CDH13: variants seen among roughly 807,000 people sequenced by gnomAD.
CDH13 encodes cadherin-13.
In CDH13, 24 loss-of-function variants were observed where a neutral mutation model predicts 63.8. That is an observed-to-expected ratio of 0.38 (90% confidence interval 0.27 to 0.53). The LOEUF (loss-of-function observed/expected upper bound fraction) is 0.53, where lower values mean the gene tolerates loss of function less well. Among genes scored for constraint, CDH13 ranks in the 20% least tolerant of loss-of-function variants. The pLI is 0.85. For synonymous variants in CDH13, 503 were observed against 355.3 expected (o/e 1.42, Z -4.67); for missense variants, 1,049 against 903.1 (o/e 1.16, Z -2.07).
chr16:83,381,207 A>C (rs2091560536), intron 6 of CDH13, among the ~76,000 whole-genome samples: 1 of 152,014 alleles, frequency 6.6e-6, no homozygotes, highest in African/African-American at 2.4e-5. Flanking sequence ...ACCTTTTTCT[A>C]ATTTCTAAAG....
intron 8 of CDH13, among the ~76,000 whole-genome samples, chr16:83,634,947 C>A (rs553183833): frequency 1.3e-5 from 2 of 152,154 alleles, no homozygotes; most frequent in East Asian, 3.8e-4. Flanking sequence ...TTCTGGGTAC[C>A]AGCTGCTGGA....
intron 1 of CDH13, among the ~76,000 whole-genome samples, chr16:82,770,263 T>G (rs1168309513): frequency 1.3e-5 from 2 of 152,232 alleles, no homozygotes; most frequent in African/African-American, 2.4e-5. Context: ...TGAGTGTGTG[T>G]TTTTGTGCAC....
chr16:82,872,960 A>G (rs1022965806), intron 2 of CDH13, among the ~76,000 whole-genome samples: 4 of 152,218 alleles, frequency 2.6e-5, no homozygotes, highest in African/African-American at 9.6e-5. Flanking sequence ...GGCAAACATG[A>G]TATAATAAAC....
intron 7 of CDH13, among the ~76,000 whole-genome samples, chr16:83,584,955 C>G (rs1906003850): frequency 6.6e-6 from 1 of 152,290 alleles, no homozygotes; most frequent in Admixed American, 6.5e-5. Context: ...AACTCACTCA[C>G]TACTGTGGGG....
At chr16:83,028,100 G>C (rs1424715610) in intron 2 of CDH13, among the ~76,000 whole-genome samples, 2 of 152,192 alleles carry the variant, frequency 1.3e-5, no homozygotes, top group Admixed American at 1.3e-4. Flanking sequence ...AGCTGAGACT[G>C]TCTTCTGTGA....
chr16:83,287,280 C>A (rs1407586179), intron 5 of CDH13, among the ~76,000 whole-genome samples: 1 of 152,156 alleles, frequency 6.6e-6, no homozygotes, highest in Non-Finnish European at 1.5e-5. Context: ...GCTTCAGGGA[C>A]CAAAACTTTC....
At chr16:83,748,772 G>GC (rs969533759) in intron 11 of CDH13, among the ~76,000 whole-genome samples, 13 of 152,208 alleles carry the variant, frequency 8.5e-5, no homozygotes, top group Non-Finnish European at 1.9e-4. Context: ...CCATATGCCA[G>GC]CCCCTGATTA....
At chr16:82,717,482 C>A (rs960616971) in intron 1 of CDH13, among the ~76,000 whole-genome samples, 2 of 148,054 alleles carry the variant, frequency 1.4e-5, no homozygotes, top group African/African-American at 5.1e-5. Flanking sequence ...CACACTTACT[C>A]TCTTACAATC....
chr16:82,947,702 T>G (rs1214070697), intron 2 of CDH13, among the ~76,000 whole-genome samples: 1 of 152,200 alleles, frequency 6.6e-6, no homozygotes, highest in Admixed American at 6.5e-5. Context: ...CTTGCAAGTT[T>G]GGGAGTAGGG....
intron 4 of CDH13, among the ~76,000 whole-genome samples, chr16:83,181,653 A>G (rs567559791): frequency 1.2e-4 from 19 of 152,174 alleles, no homozygotes; most frequent in East Asian, 9.7e-4. Context: ...AGAGGGGGAG[A>G]AGAGGGGATG....
intron 2 of CDH13, among the ~76,000 whole-genome samples, chr16:83,003,326 G>A (rs1019686959): frequency 6.6e-6 from 1 of 152,058 alleles, no homozygotes; most frequent in African/African-American, 2.4e-5. Flanking sequence ...GAATGTTTCA[G>A]TAGCTTTGTG....
At chr16:82,673,200 G>C (rs1913500860) in intron 1 of CDH13, among the ~76,000 whole-genome samples, 1 of 151,848 alleles carries the variant, frequency 6.6e-6, no homozygotes, top group Admixed American at 6.6e-5. Context: ...CCCCGGGTAG[G>C]AATTTGGTAG....
At chr16:83,393,732 C>G (rs2091831816) in intron 6 of CDH13, among the ~76,000 whole-genome samples, 1 of 152,180 alleles carries the variant, frequency 6.6e-6, no homozygotes, top group Non-Finnish European at 1.5e-5. Context: ...AGGAACCAGG[C>G]TCAGCCCACA....
At position 83,492,205 on chromosome 16, in the gene CDH13, T is replaced by C. The variant is rs1455624071; in HGVS notation, c.960+5550T>C. Among the ~76,000 whole-genome samples the C allele has an allele frequency of 3.9e-5, 3 of 76,660 alleles. No individual in the cohort carries two copies. The East Asian group carries it at 2.7e-3, about 68-fold the overall frequency. 50.3% of individuals were successfully genotyped at this position (76,660 alleles called of 152,430 possible). ...AAATCAAGCTGCCAGAAAAGAACAA[T>C]GGTAAAAAAGGATAGCATTTCCTCC... On this transcript the variant is annotated intron_variant, in intron 7 of 13. Transcript: ENST00000567109.
At chr16:83,312,066 C>CAAAA (rs5818437) in intron 5 of CDH13, among the ~76,000 whole-genome samples, 6 of 94,922 alleles carry the variant, frequency 6.3e-5, no homozygotes, top group African/African-American at 2.0e-4. Flanking sequence ...AACTCCATCT[C>CAAAA]AAAAAAAAAA....
chr16:82,937,928 A>G (rs754422823), intron 2 of CDH13, among the ~76,000 whole-genome samples: 1 of 152,222 alleles, frequency 6.6e-6, no homozygotes, highest in Non-Finnish European at 1.5e-5. Context: ...AAAGGACAGT[A>G]ATTGGATATA....
At chr16:82,967,768 C>G (rs770814845) in intron 2 of CDH13, among the ~76,000 whole-genome samples, 12 of 152,216 alleles carry the variant, frequency 7.9e-5, no homozygotes, top group Non-Finnish European at 1.6e-4. Context: ...CAGCATGTAG[C>G]AGGCTTTTGT....
At chr16:83,551,555 C>G (rs1480551508) in intron 7 of CDH13, among the ~76,000 whole-genome samples, 1 of 152,228 alleles carries the variant, frequency 6.6e-6, no homozygotes, top group African/African-American at 2.4e-5. Context: ...TCTTACGTTT[C>G]AAACACCCAT....
At chr16:82,641,328 G>A (rs561946185) in intron 1 of CDH13, among the ~76,000 whole-genome samples, 30 of 152,286 alleles carry the variant, frequency 2.0e-4, no homozygotes, top group Non-Finnish European at 3.8e-4. Flanking sequence ...GAAAGGTATG[G>A]CAAGTTGTTG....
Sources: gnomAD v4.1 joint callset for allele counts (sites outside exome capture counted in the v4.1 genomes callset) on GRCh38, gnomAD v4.1.1 for gene constraint, MANE v1.5 for transcripts, NCBI Gene and HGNC (gene_info 2026-07-23, HGNC 2026-07-21) for gene names.